Variants in ACACA observed in about 807,000 individuals in gnomAD.
ACACA encodes the protein acetyl-CoA carboxylase alpha, also known as acetyl-CoA carboxylase 1.
A neutral mutation model predicts 296.1 loss-of-function variants in ACACA; 103 were observed. The observed-to-expected ratio is 0.35, with a 90% CI of 0.30 to 0.41. The LOEUF is 0.41. ACACA is among the 10% of genes least tolerant of loss of function. ACACA has a pLI of 1.00. For synonymous variants in ACACA, 953 were observed against 1,038.6 expected (o/e 0.92, Z 1.58); for missense variants, 1,554 against 2,989.7 (o/e 0.52, Z 11.20).
In ACACA at chr17:37,140,756, G is replaced by A. The variant is rs894418342; in HGVS notation, c.5679+9108C>T. On this transcript the variant is annotated intron_variant, in intron 45 of 55. Transcript: ENST00000616317. ...GGGGGTCAGGTAGCTGTAGGTTTTA[G>A]AGATGGCATCAAAGATGGCCTTGAG... is the stretch of plus-strand genomic sequence containing the variant. The A allele has an allele frequency of 4.1e-5, 9 of 221,622 alleles. No homozygotes were observed. The Admixed American group carries it at 4.1e-4, about 10-fold the overall frequency. The allele number at this position is 221,622 out of a possible 1,614,324, so 13.7% of individuals were successfully genotyped here. A position where few individuals can be genotyped will look rare whatever the true frequency, so the allele number is the denominator to read the frequency against.
chr17:37,196,622 T>TA (rs537996961), intron 35 of ACACA, among the ~76,000 whole-genome samples: 403 of 142,036 alleles, frequency 2.8e-3, no homozygotes, highest in African/African-American at 7.8e-3. Context: ...ATGGAAAGCT[T>TA]AAAAAAAAAA....
At chr17:37,128,304 A>C (rs1483037021) in intron 47 of ACACA, among the ~76,000 whole-genome samples, 1 of 152,162 alleles carries the variant, frequency 6.6e-6, no homozygotes, top group East Asian at 1.9e-4. Context: ...TAAAATAGTT[A>C]TCTCTCTTTA....
chr17:37,112,949 T>G, intron 51 of ACACA, 139 bp downstream of exon 51: 1 of 1,025,042 alleles, frequency 9.8e-7, no homozygotes, highest in South Asian at 1.5e-5. Flanking sequence ...GGACCTGGAC[T>G]GTAATGGAAG....
chr17:37,230,592 T>C (rs75891041), intron 25 of ACACA, among the ~76,000 whole-genome samples: 2 of 152,298 alleles, frequency 1.3e-5, no homozygotes, highest in South Asian at 4.1e-4. Context: ...TCCTCAACCC[T>C]GTCTTGTCCC....
intron 1 of ACACA, among the ~76,000 whole-genome samples, chr17:37,405,652 A>G (rs2051456643): frequency 6.6e-6 from 1 of 152,164 alleles, no homozygotes; most frequent in African/African-American, 2.4e-5. Flanking sequence ...CCCAGGGTTC[A>G]AGCGATTCTA....
At chr17:37,230,230 C>G (rs1400924625) in intron 25 of ACACA, among the ~76,000 whole-genome samples, 2 of 151,316 alleles carry the variant, frequency 1.3e-5, no homozygotes, top group Non-Finnish European at 1.5e-5. Context: ...ACTAAAAATA[C>G]AAAATTAACT....
intron 1 of ACACA, among the ~76,000 whole-genome samples, chr17:37,368,897 A>G (rs1178553752): frequency 6.6e-6 from 1 of 152,088 alleles, no homozygotes; most frequent in Non-Finnish European, 1.5e-5. Flanking sequence ...CCCTTAGAAA[A>G]CAGTTTGGCA....
At chr17:37,390,335 A>ATATATATATATATCTATAT (rs2050824306) in intron 1 of ACACA, among the ~76,000 whole-genome samples, 1 of 30,248 alleles carries the variant, frequency 3.3e-5, no homozygotes, top group African/African-American at 1.7e-4. Context: ...TATATATATA[A>ATATATATATATATCTATAT]AAGGCCAGCT....
chr17:37,403,121 G>C lies in ACACA; in HGVS notation c.38+3141C>G, dbSNP rs1459753883. Among the ~76,000 whole-genome samples, 3 of 152,188 alleles carry C rather than the reference G, an allele frequency of 2.0e-5. No individual in the cohort carries two copies. In the South Asian group the frequency reaches 6.2e-4, roughly 31 times the overall value. On this transcript the variant is annotated intron_variant, in intron 1 of 55. Transcript: ENST00000616317. ...CAGCCAAATAAACAATTCTAATACA[G>C]TTATACAGTTTTAGTTCTGACACCT... is the stretch of plus-strand genomic sequence containing the variant.
chr17:37,285,095 T>C (rs1598401283), intron 3 of ACACA, 125 bp from the exon 4 acceptor site: 3 of 1,085,306 alleles, frequency 2.8e-6, no homozygotes, highest in East Asian at 2.4e-5. Context: ...GCAGGTCACG[T>C]ACTTTTCAAA....
At chr17:37,237,155 T>TA (rs1468837439) in intron 24 of ACACA, among the ~76,000 whole-genome samples, 1 of 152,214 alleles carries the variant, frequency 6.6e-6, no homozygotes, top group Non-Finnish European at 1.5e-5. Context: ...CTTAACATTG[T>TA]ATTTTTGAGA....
At chr17:37,399,263 G>C (rs2051201572) in intron 1 of ACACA, among the ~76,000 whole-genome samples, 1 of 152,146 alleles carries the variant, frequency 6.6e-6, no homozygotes, top group Admixed American at 6.6e-5. Context: ...TTATAGGCAT[G>C]AGCCACCGCA....
At chr17:37,246,722 T>C in intron 19 of ACACA, 104 bp downstream of exon 19, 1 of 1,479,850 alleles carries the variant, frequency 6.8e-7, no homozygotes, top group Non-Finnish European at 9.3e-7. Flanking sequence ...CACAAGCCAC[T>C]GTGCCCAGCC....
chr17:37,274,301 T>C lies in ACACA; in HGVS notation c.902-2A>G. ...TTTCCTGCCAGTCCACACGAAGACC[T>C]GCAACAGACAATAGCAACTTAGGGC... On this transcript the variant is annotated splice_acceptor_variant, in intron 8 of 55. Coordinates refer to ENST00000616317, the MANE Select transcript of ACACA (RefSeq NM_198834.3). LOFTEE classifies it high-confidence loss of function. 6.2e-7 allele frequency: 1 copy of C among 1,611,558 alleles called. No homozygotes were observed. Among genetic ancestry groups the C allele is most frequent in the African/African-American group, 1.3e-5 (1 of 74,998 alleles).
intron 1 of ACACA, among the ~76,000 whole-genome samples, chr17:37,370,051 A>G (rs1301493798): frequency 1.4e-5 from 2 of 146,168 alleles, no homozygotes; most frequent in Non-Finnish European, 3.0e-5. Context: ...CTCTGTCACC[A>G]AGGCTGGAGT....
chr17:37,277,582 AAT>A (rs547442837), intron 6 of ACACA, among the ~76,000 whole-genome samples: 26 of 152,356 alleles, frequency 1.7e-4, no homozygotes, highest in Middle Eastern at 3.4e-3. Flanking sequence ...CTACTTCTTT[AAT>A]ATACCACCAT....
At chr17:37,293,091 A>G (rs2083152105) in intron 3 of ACACA, among the ~76,000 whole-genome samples, 1 of 152,210 alleles carries the variant, frequency 6.6e-6, no homozygotes, top group South Asian at 2.1e-4. Context: ...TAAGAACTTT[A>G]ACTATGAAAA....
rs1361998696 is a variant in ACACA at position 37,317,918 on chromosome 17, G to A, written c.338+12255C>T. On this transcript the variant is annotated intron_variant, in intron 3 of 55. Transcript: ENST00000616317. ...GAGGAAACTAGTTCCCTCAGCAAAG[G>A]AGTACCAAGTTGCAGATCTCATAAT... Among the ~76,000 whole-genome samples, 3 of 152,142 alleles carry A rather than the reference G, an allele frequency of 2.0e-5. No homozygotes were observed. In the East Asian group the frequency reaches 5.8e-4, roughly 29 times the overall value.
chr17:37,393,362 A>G (rs2147819552), intron 1 of ACACA, among the ~76,000 whole-genome samples: 1 of 152,214 alleles, frequency 6.6e-6, no homozygotes, highest in Non-Finnish European at 1.5e-5. Flanking sequence ...GCTCTTTCCC[A>G]AGACCACTGG....
Sources: allele counts gnomAD v4.1 joint callset (sites outside exome capture counted in the v4.1 genomes callset), GRCh38; gene constraint gnomAD v4.1.1; transcripts MANE v1.5; gene names NCBI Gene and HGNC (gene_info 2026-07-23, HGNC 2026-07-21).